Variants in KCNT2 observed in about 807,000 individuals in gnomAD.
The protein encoded by KCNT2 is potassium sodium-activated channel subfamily T member 2.
Under a neutral mutation model 153.8 loss-of-function variants are expected in KCNT2, and 67 were observed. The ratio of observed to expected loss-of-function variants is 0.44; its 90% CI spans 0.36 to 0.53. The LOEUF (loss-of-function observed/expected upper bound fraction) is 0.53, where lower values mean the gene tolerates loss of function less well. Ranked by LOEUF, KCNT2 falls within the 20% of genes least tolerant of loss-of-function variation. The probability of loss-of-function intolerance (pLI) is 0.00; values close to 1 mark genes in which losing one functional copy is unlikely to be tolerated. For synonymous variants in KCNT2, 500 were observed against 458.8 expected, an observed-to-expected ratio of 1.09 and a Z score of -1.15; for missense variants, 975 against 1,354.8, an observed-to-expected ratio of 0.72 and a Z score of 4.40.
intron 14 of KCNT2, among the ~76,000 whole-genome samples, chr1:196,368,527 C>G (rs1006639243): frequency 6.6e-6 from 1 of 152,084 alleles, no homozygotes; most frequent in Non-Finnish European, 1.5e-5. Context: ...CATATTTTCT[C>G]ACAATAAGAA....
intron 5 of KCNT2, among the ~76,000 whole-genome samples, chr1:196,477,266 T>C (rs1678619235): frequency 1.3e-5 from 2 of 152,098 alleles, no homozygotes; most frequent in Non-Finnish European, 2.9e-5. Flanking sequence ...GTCTGAAGAA[T>C]GTTATCTTCA....
At chr1:196,287,440 A>AAAACAAAC (rs56394042) in intron 22 of KCNT2, among the ~76,000 whole-genome samples, 31 of 151,048 alleles carry the variant, frequency 2.1e-4, no homozygotes, top group East Asian at 5.8e-4. Flanking sequence ...TTTACTCTTC[A>AAAACAAAC]AAACAAACAA....
At chr1:196,470,625 G>A (rs1265844796) in intron 5 of KCNT2, among the ~76,000 whole-genome samples, 1 of 152,124 alleles carries the variant, frequency 6.6e-6, no homozygotes, top group African/African-American at 2.4e-5. Flanking sequence ...GCTTGTGTCT[G>A]CCATGAGGAA....
intron 8 of KCNT2, among the ~76,000 whole-genome samples, chr1:196,444,943 C>A (rs1452760167): frequency 1.3e-5 from 2 of 151,286 alleles, no homozygotes; most frequent in Non-Finnish European, 3.0e-5. Context: ...TAGCTCTAAC[C>A]AGAGCAAATA....
chr1:196,284,249 ATATATATAT>A lies in KCNT2; in HGVS notation c.2697+1399_2697+1407del, dbSNP rs1271294301. On this transcript the variant is annotated intron_variant, in intron 23 of 27. Transcript: ENST00000294725. ...CTGTCTTAAAAAAAAAAAAAAAAAAATATATATATATATATATATATATATATATAGTTC... is the reference window on the plus strand; with the variant it reads ...CTGTCTTAAAAAAAAAAAAAAAAAAAATATATATATATATATATATAGTTC... 2.7e-3 allele frequency among the ~76,000 whole-genome samples: 63 copies of A among 22,922 alleles called. 2 individuals are homozygous for A. The highest frequency in any genetic ancestry group is 7.4e-3 in the African/African-American group (59 of 7,954). The allele number at this position is 22,922 out of a possible 152,430, so 15.0% of individuals were successfully genotyped here. A position where few individuals can be genotyped will look rare whatever the true frequency, so the allele number is the denominator to read the frequency against.
chr1:196,319,477 C>T lies in KCNT2; in HGVS notation c.2348+7G>A. ...CTAGTTAGTGTGCCAAAGATTTTGT[C>T]ACCTACTTGTCAATAGAGCCCACCA... On this transcript the variant is annotated splice_region_variant and intron_variant, in intron 20 of 27. Transcript: ENST00000294725. The T allele has an allele frequency of 6.2e-7, 1 of 1,606,102 alleles. No homozygotes were observed. The highest frequency in any genetic ancestry group is 2.2e-5 in the East Asian group (1 of 44,702).
At chr1:196,570,689 C>A (rs1660678367) in intron 1 of KCNT2, among the ~76,000 whole-genome samples, 1 of 152,004 alleles carries the variant, frequency 6.6e-6, no homozygotes, top group Admixed American at 6.6e-5. Context: ...ATAAAAAGAA[C>A]ATAATGGGGA....
At chr1:196,471,097 C>A (rs1678065970) in intron 5 of KCNT2, among the ~76,000 whole-genome samples, 1 of 151,308 alleles carries the variant, frequency 6.6e-6, no homozygotes, top group African/African-American at 2.4e-5. Flanking sequence ...TTACTAAAGA[C>A]GGGGTTTCAC....
Position 196,608,432 on chromosome 1 carries a change from A to G in KCNT2, c.-123T>C. The G allele has an allele frequency of 1.4e-6, 1 of 735,918 alleles. No homozygotes were observed. The highest frequency in any genetic ancestry group is 1.6e-5 in the South Asian group (1 of 63,656). The allele number at this position is 735,918 out of a possible 1,614,324, so 45.6% of individuals were successfully genotyped here. A position where few individuals can be genotyped will look rare whatever the true frequency, so the allele number is the denominator to read the frequency against. The stretch of plus-strand genomic sequence containing the variant: ...GCTGTGGCCGAGAGAGGGATGGGAG[A>G]AGGGGAAGGGGACAGGGAGGGGGAG... On this transcript the variant is annotated 5_prime_UTR_variant, in exon 1 of 28. Coordinates refer to ENST00000294725, the MANE Select transcript of KCNT2 (RefSeq NM_198503.5).
intron 13 of KCNT2, among the ~76,000 whole-genome samples, chr1:196,382,219 C>T (rs1669567944): frequency 6.6e-6 from 1 of 151,908 alleles, no homozygotes; most frequent in South Asian, 2.1e-4. Context: ...CTGCCTCAGC[C>T]TCCTGAGTAG....
chr1:196,357,252 T>A (rs192383488), intron 14 of KCNT2, among the ~76,000 whole-genome samples: 2 of 151,964 alleles, frequency 1.3e-5, no homozygotes, highest in African/African-American at 2.4e-5. Flanking sequence ...GAGAGTCAAG[T>A]GGAGGGCTTC....
chr1:196,392,866 A>C (rs1051067102), intron 13 of KCNT2, among the ~76,000 whole-genome samples: 1 of 151,470 alleles, frequency 6.6e-6, no homozygotes, highest in Non-Finnish European at 1.5e-5. Context: ...CTAAAAATAC[A>C]TTTACTTTTG....
chr1:196,525,962 G>A (rs1166880027), intron 1 of KCNT2, among the ~76,000 whole-genome samples: 1 of 151,986 alleles, frequency 6.6e-6, no homozygotes, highest in Admixed American at 6.6e-5. Context: ...CACTAATGCA[G>A]AGTTGATGGC....
rs141212447 is a variant in KCNT2 at position 196,375,206 on chromosome 1, C to T, written c.1295-1958G>A. Among the ~76,000 whole-genome samples, 4 of 151,360 alleles carry T rather than the reference C, an allele frequency of 2.6e-5. No individual in the cohort carries two copies. In the East Asian group the frequency reaches 7.7e-4, roughly 29 times the overall value. On this transcript the variant is annotated intron_variant, in intron 13 of 27. Transcript: ENST00000294725. ...CTAATGTTTCAAAAACTGTACTAAT[C>T]AGAGAAAATTAGAAGGAAGCAAAAG...
chr1:196,575,174 G>T (rs1194127165), intron 1 of KCNT2, among the ~76,000 whole-genome samples: 1 of 152,074 alleles, frequency 6.6e-6, no homozygotes, highest in Admixed American at 6.6e-5. Context: ...TCTATGATCT[G>T]CATTGTTTTA....
At chr1:196,432,285 A>T (rs1674229020) in intron 8 of KCNT2, among the ~76,000 whole-genome samples, 1 of 152,110 alleles carries the variant, frequency 6.6e-6, no homozygotes, top group African/African-American at 2.4e-5. Context: ...GGGGCCAAGA[A>T]AGAGAACTAC....
At chr1:196,312,590 G>A (rs1207474790) in intron 21 of KCNT2, among the ~76,000 whole-genome samples, 1 of 151,676 alleles carries the variant, frequency 6.6e-6, no homozygotes, top group Non-Finnish European at 1.5e-5. Flanking sequence ...ACCAGGTGCA[G>A]CAGGCATTCT....
At chr1:196,250,464 A>G (rs760556476) in intron 26 of KCNT2, among the ~76,000 whole-genome samples, 15 of 152,202 alleles carry the variant, frequency 9.9e-5, no homozygotes, top group Non-Finnish European at 1.6e-4. Flanking sequence ...ACCTCTCACC[A>G]TTTACAAAAA....
intron 3 of KCNT2, among the ~76,000 whole-genome samples, chr1:196,482,950 T>A (rs1419673113): frequency 6.6e-6 from 1 of 152,144 alleles, no homozygotes; most frequent in Non-Finnish European, 1.5e-5. Flanking sequence ...ATAAAAAGGC[T>A]TATGCTCTGG....
Sources: allele counts gnomAD v4.1 joint callset (sites outside exome capture counted in the v4.1 genomes callset), GRCh38; gene constraint gnomAD v4.1.1; transcripts MANE v1.5; gene names NCBI Gene and HGNC (gene_info 2026-07-23, HGNC 2026-07-21).